Variants in KIF3C observed in about 807,000 individuals in gnomAD.
KIF3C encodes the protein kinesin-like protein KIF3C.
KIF3C carries 12 observed loss-of-function variants against 67.7 expected under a neutral mutation model. The ratio of observed to expected loss-of-function variants is 0.18; its 90% confidence interval spans 0.11 to 0.29. The LOEUF is 0.29. KIF3C is among the 10% of genes least tolerant of loss of function. The pLI is 1.00. For synonymous variants in KIF3C, 393 were observed against 426.2 expected (o/e 0.92, Z 0.96); for missense variants, 789 against 1,059.6 (o/e 0.74, Z 3.55).
Position 25,962,826 on chromosome 2 carries a change from A to ATATAATATATAATATATAT in KIF3C, c.1546-6383_1546-6382insATATATATTATATATTATA, listed in dbSNP as rs1559555136. The stretch of plus-strand genomic sequence containing the variant: ...TAATATATAATATATATAATATATA[A>ATATAATATATAATATATAT]AATATATAAAATATATAATATATAA... On this transcript the variant is annotated intron_variant, in intron 1 of 7. Transcript: ENST00000264712. Among the ~76,000 whole-genome samples, 59 of 64,470 alleles carry ATATAATATATAATATATAT rather than the reference A, an allele frequency of 9.2e-4. 2 individuals are homozygous for ATATAATATATAATATATAT. The highest frequency in any genetic ancestry group is 4.8e-3 in the African/African-American group (56 of 11,672). 42.3% of individuals were successfully genotyped at this position (64,470 alleles called of 152,430 possible). A position where few individuals can be genotyped will look rare whatever the true frequency, so the allele number is the denominator to read the frequency against.
chr2:25,935,987 T>A (rs1663105366), intron 5 of KIF3C, among the ~76,000 whole-genome samples: 1 of 151,322 alleles, frequency 6.6e-6, no homozygotes, highest in South Asian at 2.1e-4. Context: ...CTCGGGAGGC[T>A]GAGACTGGAG....
chr2:25,956,442 G>T lies in KIF3C; in HGVS notation c.1548C>A (p.Ala516=). 1 of 1,613,170 alleles carries T rather than the reference G, an allele frequency of 6.2e-7. No homozygotes were observed. The highest frequency in any genetic ancestry group is 1.1e-5 in the South Asian group (1 of 91,064). The change falls in exon 2 of 8, where the codon GCC becomes GCA. Residue 516 remains alanine (A), a splice_region_variant and synonymous_variant. Transcript: ENST00000264712. ...CCCCGATGAGGAGCTTGCTCTCCAT[G>T]GCCTGGGGACACAGAGGGGTTGGGA... ...ATELLAAKYK[A]MESKLLIGGR...
intron 5 of KIF3C, among the ~76,000 whole-genome samples, chr2:25,939,307 G>T (rs939710337): frequency 1.3e-5 from 2 of 151,988 alleles, no homozygotes; most frequent in African/African-American, 4.8e-5. Context: ...GACATCATCG[G>T]GTGTGTTTCC....
At position 25,954,229 on chromosome 2, in the gene KIF3C, C is replaced by T. The variant is rs367907937; in HGVS notation, c.1889+38G>A. 4.1e-6 allele frequency: 6 copies of T among 1,464,702 alleles called. No homozygotes were observed. In the African/African-American group the frequency reaches 8.4e-5, roughly 20 times the overall value. 90.7% of individuals were successfully genotyped at this position (1,464,702 alleles called of 1,614,324 possible). A position where few individuals can be genotyped will look rare whatever the true frequency, so the allele number is the denominator to read the frequency against. ...GAGAGGCCTGAGTAATGATGGCTGG[C>T]TGTGGGGACCCGGGATGAAAAGAGC... On this transcript the variant is annotated intron_variant, in intron 4 of 7. Transcript: ENST00000264712.
chr2:25,934,198 G>A (rs1240430006), intron 5 of KIF3C: 1 of 470,612 alleles, frequency 2.1e-6, no homozygotes, highest in South Asian at 1.6e-5. Flanking sequence ...TAGATTGGCA[G>A]TTGTCTAGGT....
At chr2:25,974,216 C>T (rs1167720146) in intron 1 of KIF3C, among the ~76,000 whole-genome samples, 7 of 152,042 alleles carry the variant, frequency 4.6e-5, no homozygotes, top group South Asian at 2.1e-4. Context: ...ACTACAGACG[C>T]GCGCCACCAA....
At chr2:25,948,432 G>A (rs1663500987) in intron 5 of KIF3C, among the ~76,000 whole-genome samples, 1 of 151,386 alleles carries the variant, frequency 6.6e-6, no homozygotes, top group African/African-American at 2.4e-5. Flanking sequence ...CATGCCTGTG[G>A]CCCCAGCTAC....
At chr2:25,930,209 T>C in intron 5 of KIF3C, 146 bp from the exon 6 acceptor site, 2 of 645,382 alleles carry the variant, frequency 3.1e-6, no homozygotes, top group Non-Finnish European at 5.5e-6. Context: ...CTAATACAGC[T>C]TGACAACTGA....
chr2:25,951,607 C>G, intron 5 of KIF3C, 182 bp downstream of exon 5: 1 of 551,214 alleles, frequency 1.8e-6, no homozygotes, highest in Non-Finnish European at 3.2e-6. Context: ...AACACCCTTC[C>G]ATCATAGAGA....
At chr2:25,929,219 A>G (rs1574475041) in intron 7 of KIF3C, 86 bp downstream of exon 7, 1 of 1,505,076 alleles carries the variant, frequency 6.6e-7, no homozygotes, top group South Asian at 1.2e-5. Flanking sequence ...TTCGGGTACC[A>G]GCAAAACCCT....
chr2:25,946,160 C>T (rs1663427875), intron 5 of KIF3C, among the ~76,000 whole-genome samples: 1 of 152,054 alleles, frequency 6.6e-6, no homozygotes, highest in Non-Finnish European at 1.5e-5. Context: ...AAGCAAATAG[C>T]TTCTGAGGAA....
In KIF3C at chr2:25,928,663, G is replaced by C. The variant is rs1308183841; in HGVS notation, c.*315C>G. ...CCCTTCTGGAGGCAGCTGACAGGGG[G>C]ACAAGCCTGAGATCTGACTGGGGGA... On this transcript the variant is annotated 3_prime_UTR_variant, in exon 8 of 8. Transcript: ENST00000264712. The C allele has an allele frequency of 4.6e-6, 1 of 215,508 alleles. No homozygotes were observed. The highest frequency in any genetic ancestry group is 5.3e-5 in the Admixed American group (1 of 18,730). The allele number at this position is 215,508 out of a possible 1,614,324, so 13.3% of individuals were successfully genotyped here.
intron 1 of KIF3C, among the ~76,000 whole-genome samples, chr2:25,973,879 G>A (rs1177741955): frequency 1.3e-5 from 2 of 152,156 alleles, no homozygotes; most frequent in African/African-American, 4.8e-5. Context: ...AGGCAAGATA[G>A]AAGAGATGCA....
Position 25,981,708 on chromosome 2 carries a change from C to A in KIF3C, c.210G>T (p.Gln70His). The A allele has an allele frequency of 6.2e-7, 1 of 1,613,706 alleles. No individual in the cohort carries two copies. Among genetic ancestry groups the A allele is most frequent in the Non-Finnish European group, 8.5e-7 (1 of 1,179,752 alleles). ...FDAVYDASSK[Q>H]ADLYDETVRP... is the part of the protein sequence containing the mutation. ...TCACGGTTTCGTCATACAGGTCGGC[C>A]TGCTTGGAGCTGGCATCATACACGG... The change falls in exon 1 of 8, where the codon CAG becomes CAT. Residue 70 changes from glutamine to histidine, a missense_variant. Physicochemically the swap from Gln to His is conservative, Grantham distance 24. Around this residue, in one of 2 missense-constraint regions of KIF3C, gnomAD observed 141 missense variants for 251.8 expected, o/e 0.56. Transcript: ENST00000264712. The surrounding 1 kb of genome is among the most constrained non-coding windows in gnomAD (Gnocchi z 8.2).
intron 5 of KIF3C, among the ~76,000 whole-genome samples, chr2:25,947,422 C>A (rs536687475): frequency 2.0e-5 from 3 of 151,350 alleles, no homozygotes; most frequent in South Asian, 4.2e-4. Flanking sequence ...TTTACTAAAA[C>A]TACAAAAAAT....
At chr2:25,978,964 T>C (rs1664487166) in intron 1 of KIF3C, among the ~76,000 whole-genome samples, 1 of 152,048 alleles carries the variant, frequency 6.6e-6, no homozygotes, top group South Asian at 2.1e-4. Flanking sequence ...GTGAATTAAA[T>C]ATTAAATATG....
chr2:25,962,396 T>G (rs1663968296), intron 1 of KIF3C, among the ~76,000 whole-genome samples: 5 of 152,126 alleles, frequency 3.3e-5, no homozygotes, highest in Non-Finnish European at 1.5e-5. Flanking sequence ...TTTGTTTTTT[T>G]GAGACGGAGT....
rs780331030 is a variant in KIF3C at position 25,981,532 on chromosome 2, G to A, written c.386C>T (p.Thr129Ile). The A allele has an allele frequency of 5.6e-6, 9 of 1,614,212 alleles. No homozygotes were observed. Among genetic ancestry groups the A allele is most frequent in the Non-Finnish European group, 7.6e-6 (9 of 1,180,050 alleles). The stretch of plus-strand genomic sequence containing the variant: ...TTGGTTCTGGGAGCGGGAGATGTGG[G>A]TGAAGATGTGCTCAAAGGCATTCGG... Reference protein sequence around the residue: ...VIPNAFEHIFTHISRSQNQQY... With the variant: ...VIPNAFEHIFIHISRSQNQQY... Residue 129 changes from threonine (T) to isoleucine (I), a missense_variant, in exon 1 of 8, where the codon ACC becomes ATC. By Grantham distance (89) the Thr-to-Ile change is moderately conservative. This residue lies in a region of KIF3C where 141 missense variants were observed against 251.8 expected (regional missense o/e 0.56). Transcript: ENST00000264712. The surrounding 1 kb of genome is among the most constrained non-coding windows in gnomAD (Gnocchi z 8.2).
Position 25,955,411 on chromosome 2 carries a change from G to T in KIF3C, c.1770+130C>A. The T allele has an allele frequency of 8.5e-7, 1 of 1,177,644 alleles. No individual in the cohort carries two copies. 72.9% of individuals were successfully genotyped at this position (1,177,644 alleles called of 1,614,324 possible). A position where few individuals can be genotyped will look rare whatever the true frequency, so the allele number is the denominator to read the frequency against. The stretch of plus-strand genomic sequence containing the variant: ...GCCTCCCCCTGTTGCTCACCCCCGA[G>T]GCCAAGCCATGTCACTCAGGGGTTC... On this transcript the variant is annotated intron_variant, in intron 3 of 7. Transcript: ENST00000264712. This position sits in a 1 kb window ranked among gnomAD's most constrained non-coding sequence, Gnocchi z 5.0.
Sources: allele counts gnomAD v4.1 joint callset (sites outside exome capture counted in the v4.1 genomes callset), GRCh38; gene constraint gnomAD v4.1.1; regional missense constraint gnomAD v4.1.1; non-coding constraint Gnocchi (gnomAD v3.1); transcripts MANE v1.5; gene names NCBI Gene and HGNC (gene_info 2026-07-23, HGNC 2026-07-21).